NETO2: variants seen among roughly 807,000 people sequenced by gnomAD.
The protein encoded by NETO2 is neuropilin and tolloid-like protein 2.
NETO2 carries 28 observed loss-of-function variants against 62.5 expected under a neutral mutation model. The observed-to-expected ratio is 0.45, with a 90% confidence interval of 0.33 to 0.61. NETO2 has a LOEUF of 0.61. Ranked by LOEUF, NETO2 falls within the 20% of genes least tolerant of loss-of-function variation. The pLI, the probability that NETO2 is intolerant of heterozygous loss-of-function variation, is 0.02. For missense variants in NETO2, 548 were observed against 643.2 expected (o/e 0.85, Z 1.60); for synonymous variants, 214 against 219.1 (o/e 0.98, Z 0.21).
chr16:47,102,408 G>C (rs184853482), intron 7 of NETO2, among the ~76,000 whole-genome samples: 154 of 152,186 alleles, frequency 1.0e-3, no homozygotes, highest in African/African-American at 3.5e-3. Flanking sequence ...AACACCAAAA[G>C]CAATGGCAAC....
At chr16:47,109,733 ACTG>A in intron 6 of NETO2, 22 bp from the exon 7 acceptor site, 1 of 1,499,706 alleles carries the variant, frequency 6.7e-7, no homozygotes, top group Non-Finnish European at 9.3e-7. Flanking sequence ...ACACAAAAAC[ACTG>A]CTTTTAAAAA....
chr16:47,084,893 A>G (rs1385230434), intron 8 of NETO2, among the ~76,000 whole-genome samples: 1 of 152,170 alleles, frequency 6.6e-6, no homozygotes, highest in East Asian at 1.9e-4. Flanking sequence ...TTTATTATAT[A>G]TTACAATGTA....
At chr16:47,116,391 G>A (rs1963923110) in intron 6 of NETO2, among the ~76,000 whole-genome samples, 1 of 152,106 alleles carries the variant, frequency 6.6e-6, no homozygotes, top group Non-Finnish European at 1.5e-5. Flanking sequence ...TTTAACAAAT[G>A]GAGACAATCA....
chr16:47,138,141 C>T (rs748443149), intron 1 of NETO2, among the ~76,000 whole-genome samples: 3 of 152,136 alleles, frequency 2.0e-5, no homozygotes, highest in African/African-American at 4.8e-5. Context: ...GTGACTCACG[C>T]CTGTAATCCC....
Position 47,143,809 on chromosome 16 carries a change from G to A in NETO2, c.-197C>T, listed in dbSNP as rs1209045694. On this transcript the variant is annotated 5_prime_UTR_variant, in exon 1 of 9. Transcript: ENST00000562435. ...CCCACAGTGGGCTCCCGCGCGGCCCGAGCACCCCGACGGGCGCCGCCTCCT... is the reference window on the plus strand; with the variant it reads ...CCCACAGTGGGCTCCCGCGCGGCCCAAGCACCCCGACGGGCGCCGCCTCCT... 15 of 679,948 alleles carry A rather than the reference G, an allele frequency of 2.2e-5. No homozygotes were observed. Among genetic ancestry groups the A allele is most frequent in the East Asian group, 1.7e-4 (4 of 24,006 alleles). 42.1% of individuals were successfully genotyped at this position (679,948 alleles called of 1,614,324 possible).
At chr16:47,142,026 G>A (rs867044451) in intron 1 of NETO2, among the ~76,000 whole-genome samples, 1 of 152,190 alleles carries the variant, frequency 6.6e-6, no homozygotes, top group African/African-American at 2.4e-5. Flanking sequence ...GGGTGCTCTC[G>A]GATGCACGGT....
intron 6 of NETO2, among the ~76,000 whole-genome samples, chr16:47,122,359 T>C (rs9922635): frequency 0.12 from 17,532 of 152,142 alleles, 2,144 homozygotes; most frequent in African/African-American, 0.31. Context: ...TACTGATCAG[T>C]ATGCACACTC....
Position 47,083,653 on chromosome 16 carries a change from G to A in NETO2, c.1146C>T (p.Thr382=), listed in dbSNP as rs139939849. The A allele has an allele frequency of 6.9e-5, 111 of 1,614,144 alleles. 1 individual carries two copies. In the South Asian group the frequency reaches 7.1e-4, roughly 10 times the overall value. ...QPRKKVMACK[T]AFNKTGFQEV... is the part of the protein sequence containing the mutation. Reference sequence around the variant, plus strand: ...CTTGGAACCCGGTTTTATTAAAAGCGGTTTTGCAAGCCATGACCTTTTTTC... The same window carrying A: ...CTTGGAACCCGGTTTTATTAAAAGCAGTTTTGCAAGCCATGACCTTTTTTC... The change falls in exon 9 of 9, where the codon ACC becomes ACT. Residue 382 remains threonine, a synonymous_variant. Coordinates refer to ENST00000562435, the MANE Select transcript of NETO2 (RefSeq NM_018092.5).
intron 7 of NETO2, among the ~76,000 whole-genome samples, chr16:47,086,666 C>T (rs1963197198): frequency 6.6e-6 from 1 of 152,138 alleles, no homozygotes; most frequent in African/African-American, 2.4e-5. Flanking sequence ...TGTGGAGACA[C>T]TGGAACCCTT....
intron 7 of NETO2, among the ~76,000 whole-genome samples, chr16:47,094,403 T>TTTTATTTATTTATTTATTTA (rs201234690): frequency 1.3e-5 from 2 of 151,324 alleles, no homozygotes; most frequent in African/African-American, 4.9e-5. Context: ...GGAAGGTTTG[T>TTTTATTTATTTATTTATTTA]TTTATTTATT....
intron 6 of NETO2, among the ~76,000 whole-genome samples, chr16:47,115,611 T>C (rs1963895017): frequency 6.7e-6 from 1 of 150,146 alleles, no homozygotes; most frequent in Non-Finnish European, 1.5e-5. Context: ...CACTGCAGCC[T>C]CCGCCTCCTT....
intron 1 of NETO2, among the ~76,000 whole-genome samples, chr16:47,141,460 T>TA (rs796841662): frequency 0.013 from 1,838 of 142,462 alleles, 34 homozygotes; most frequent in African/African-American, 0.037. Context: ...ATGCGTTTGG[T>TA]AAAAAAAAAA....
intron 2 of NETO2, among the ~76,000 whole-genome samples, chr16:47,130,739 T>C (rs1399554293): frequency 1.3e-5 from 2 of 152,276 alleles, no homozygotes; most frequent in African/African-American, 4.8e-5. Flanking sequence ...ACCTGGAGCC[T>C]GCTGTAAATA....
intron 6 of NETO2, among the ~76,000 whole-genome samples, chr16:47,118,273 G>C (rs1172527717): frequency 2.0e-5 from 3 of 152,180 alleles, no homozygotes; most frequent in Non-Finnish European, 2.9e-5. Flanking sequence ...CACACTCAGG[G>C]ACTCAGAGGT....
chr16:47,086,365 A>T, intron 7 of NETO2, 26 bp from the exon 8 acceptor site: 2 of 1,492,458 alleles, frequency 1.3e-6, no homozygotes, highest in Non-Finnish European at 1.9e-6. Context: ...ACAGTGTTGC[A>T]AAGAGCAGGC....
At chr16:47,083,990 C>T (rs2231980) in intron 8 of NETO2, among the ~76,000 whole-genome samples, 189 bp from the exon 9 acceptor site, 17 of 152,274 alleles carry the variant, frequency 1.1e-4, no homozygotes, top group Admixed American at 1.1e-3. Flanking sequence ...AGTTACCAAT[C>T]GCAGTACTGA....
rs1963077420 is a variant in NETO2 at position 47,082,160 on chromosome 16, T to C, written c.*1061A>G. On this transcript the variant is annotated 3_prime_UTR_variant, in exon 9 of 9. Transcript: ENST00000562435. ...GTGCAGTTTAAAAAAAAGTGGAAGTTGTTATTCTTGATAAGAGCTAGAAAA... is the reference window on the plus strand; with the variant it reads ...GTGCAGTTTAAAAAAAAGTGGAAGTCGTTATTCTTGATAAGAGCTAGAAAA... 1 of 152,638 alleles carries C rather than the reference T, an allele frequency of 6.6e-6. No homozygotes were observed. The highest frequency in any genetic ancestry group is 2.1e-4 in the South Asian group (1 of 4,834). 9.5% of individuals were successfully genotyped at this position (152,638 alleles called of 1,614,324 possible).
intron 1 of NETO2, among the ~76,000 whole-genome samples, chr16:47,137,029 C>A (rs1964373794): frequency 6.6e-6 from 1 of 152,158 alleles, no homozygotes; most frequent in African/African-American, 2.4e-5. Flanking sequence ...TACATATATA[C>A]ATGTACAGAT....
chr16:47,105,057 T>C (rs773195715), intron 7 of NETO2, among the ~76,000 whole-genome samples: 6 of 150,462 alleles, frequency 4.0e-5, no homozygotes, highest in East Asian at 2.0e-4. Flanking sequence ...TAAAGAAAAA[T>C]AGAGATGGGG....
Sources: allele counts gnomAD v4.1 joint callset (sites outside exome capture counted in the v4.1 genomes callset), GRCh38; gene constraint gnomAD v4.1.1; transcripts MANE v1.5; gene names NCBI Gene and HGNC (gene_info 2026-07-23, HGNC 2026-07-21).